Variants in PLAAT5 observed in about 807,000 individuals in gnomAD.
The protein encoded by PLAAT5 is Ca(2+)-independent N-acyltransferase.
A neutral mutation model predicts 27.8 loss-of-function variants in PLAAT5; 27 were observed. The observed-to-expected ratio is 0.97, with a 90% CI of 0.72 to 1.34. PLAAT5 has a LOEUF of 1.34. Ranked by LOEUF, PLAAT5 falls within the 40% of genes most tolerant of loss-of-function variation. PLAAT5 has a pLI of 0.00. For missense variants in PLAAT5, 368 were observed against 343.8 expected, an observed-to-expected ratio of 1.07 and a Z score of -0.56; for synonymous variants, 125 against 136.1, an observed-to-expected ratio of 0.92 and a Z score of 0.57.
chr11:63,488,748 C>G (rs2120351139), intron 3 of PLAAT5, 123 bp downstream of exon 3: 1 of 517,550 alleles, frequency 1.9e-6, no homozygotes. Context: ...GACGTTTCTT[C>G]TTCCAGTGTG....
At chr11:63,477,081 G>A (rs188000694) in intron 3 of PLAAT5, among the ~76,000 whole-genome samples, 51 of 151,880 alleles carry the variant, frequency 3.4e-4, no homozygotes, top group Admixed American at 1.8e-3. Context: ...ATATTTGATC[G>A]GTCATTGTCA....
Position 63,463,261 on chromosome 11 carries a change from AGCACAGTGCCTG to A in PLAAT5, c.*230_*241del. ...AATTAGATCCGTATATGAAATGCCT[AGCACAGTGCCTG>A]GCGCATAAGAGATACACACTAGATA... On this transcript the variant is annotated 3_prime_UTR_variant, in exon 6 of 6. Transcript: ENST00000540857. 1 of 535,550 alleles carries A rather than the reference AGCACAGTGCCTG, an allele frequency of 1.9e-6. No individual in the cohort carries two copies. Among genetic ancestry groups the A allele is most frequent in the Non-Finnish European group, 3.4e-6 (1 of 296,976 alleles). 33.2% of individuals were successfully genotyped at this position (535,550 alleles called of 1,614,324 possible). A position where few individuals can be genotyped will look rare whatever the true frequency, so the allele number is the denominator to read the frequency against.
At position 63,462,062 on chromosome 11, in the gene PLAAT5, AGTTT is replaced by A. The variant is rs918277380; in HGVS notation, c.*1437_*1440del. Reference sequence around the variant, plus strand: ...GTTTTTTGTTAATGAAACAACATCCAGTTTGTTTGATGAAAGATTAATATGGTCA... The same window carrying A: ...GTTTTTTGTTAATGAAACAACATCCAGTTTGATGAAAGATTAATATGGTCA... On this transcript the variant is annotated 3_prime_UTR_variant, in exon 6 of 6. Transcript: ENST00000540857. The A allele has an allele frequency of 1.7e-4, 26 of 152,360 alleles. No homozygotes were observed. The highest frequency in any genetic ancestry group is 1.2e-3 in the South Asian group (6 of 4,834). 9.4% of individuals were successfully genotyped at this position (152,360 alleles called of 1,614,324 possible).
intron 3 of PLAAT5, among the ~76,000 whole-genome samples, chr11:63,475,744 A>C (rs1364658432): frequency 6.6e-6 from 1 of 151,612 alleles, no homozygotes; most frequent in African/African-American, 2.4e-5. Context: ...GATCATTTTA[A>C]TTCCTCTGTT....
Position 63,489,932 on chromosome 11 carries a change from G to A in PLAAT5, c.239+311C>T, listed in dbSNP as rs141165101. 4.1e-3 allele frequency among the ~76,000 whole-genome samples: 628 copies of A among 152,272 alleles called. 4 individuals carry two copies. The highest frequency in any genetic ancestry group is 0.014 in the African/African-American group (565 of 41,558). ...GAATTCAGGAAATCTGCCAAAGGCCGACTCATTGTTCACTGATTAGTGAGA... is the reference window on the plus strand; with the variant it reads ...GAATTCAGGAAATCTGCCAAAGGCCAACTCATTGTTCACTGATTAGTGAGA... On this transcript the variant is annotated intron_variant, in intron 2 of 5. Transcript: ENST00000540857.
chr11:63,483,913 A>G (rs1439601857), intron 3 of PLAAT5, among the ~76,000 whole-genome samples: 1 of 144,660 alleles, frequency 6.9e-6, no homozygotes, highest in Admixed American at 7.0e-5. Flanking sequence ...ACCATTAATG[A>G]GATTAACCAA....
At chr11:63,464,755 T>C (rs1166133975) in intron 5 of PLAAT5, among the ~76,000 whole-genome samples, 1 of 152,348 alleles carries the variant, frequency 6.6e-6, no homozygotes, top group Non-Finnish European at 1.5e-5. Context: ...AGTTTTCACA[T>C]ACATTTAGGA....
At chr11:63,479,300 G>C (rs748550840) in intron 3 of PLAAT5, among the ~76,000 whole-genome samples, 46 of 152,334 alleles carry the variant, frequency 3.0e-4, no homozygotes, top group Middle Eastern at 6.8e-3. Context: ...ATAGCAAATA[G>C]TATTTTCTTT....
At chr11:63,471,895 A>G (rs2016034672) in intron 3 of PLAAT5, among the ~76,000 whole-genome samples, 1 of 152,240 alleles carries the variant, frequency 6.6e-6, no homozygotes, top group South Asian at 2.1e-4. Context: ...TTGCAGGGAC[A>G]TGGTTGGAGC....
At chr11:63,475,342 A>G (rs569156062) in intron 3 of PLAAT5, among the ~76,000 whole-genome samples, 2 of 152,180 alleles carry the variant, frequency 1.3e-5, no homozygotes, top group South Asian at 4.1e-4. Context: ...TTGGATATGT[A>G]TATGTTTATA....
intron 2 of PLAAT5, 129 bp downstream of exon 2, chr11:63,490,114 C>T: frequency 8.1e-7 from 1 of 1,232,758 alleles, no homozygotes; most frequent in Non-Finnish European, 1.2e-6. Flanking sequence ...CCAGCCTTCC[C>T]CTTGCTGGGT....
chr11:63,472,216 G>A (rs2016044177), intron 3 of PLAAT5, among the ~76,000 whole-genome samples: 1 of 151,860 alleles, frequency 6.6e-6, no homozygotes, highest in Admixed American at 6.6e-5. Flanking sequence ...GAAAAAAAAA[G>A]GAAAGAAAAA....
chr11:63,463,696 G>A, intron 5 of PLAAT5, 101 bp from the exon 6 acceptor site: 2 of 865,124 alleles, frequency 2.3e-6, no homozygotes, highest in Non-Finnish European at 3.9e-6. Context: ...CAGCCTGTCT[G>A]GAGTCTATTC....
At chr11:63,479,789 A>G (rs2016240861) in intron 3 of PLAAT5, among the ~76,000 whole-genome samples, 1 of 152,234 alleles carries the variant, frequency 6.6e-6, no homozygotes. Flanking sequence ...AAGATGAACA[A>G]GAAGTGAAGA....
intron 3 of PLAAT5, among the ~76,000 whole-genome samples, chr11:63,485,256 A>C (rs1248065481): frequency 2.0e-5 from 3 of 151,590 alleles, no homozygotes; most frequent in African/African-American, 7.3e-5. Flanking sequence ...CAAAATACCT[A>C]TTCACAGAAC....
At chr11:63,486,577 A>G (rs2016439568) in intron 3 of PLAAT5, among the ~76,000 whole-genome samples, 1 of 152,184 alleles carries the variant, frequency 6.6e-6, no homozygotes, top group Non-Finnish European at 1.5e-5. Context: ...CAAAAAAATC[A>G]TATGCTCTCA....
In PLAAT5 at chr11:63,490,285, G is replaced by T; in HGVS notation, c.197C>A (p.Pro66His). 6.2e-7 allele frequency: 1 copy of T among 1,614,188 alleles called. No homozygotes were observed. The highest frequency in any genetic ancestry group is 8.5e-7 in the Non-Finnish European group (1 of 1,180,036). Residue 66 changes from proline to histidine, a missense_variant, in exon 2 of 6, where the codon CCT becomes CAT. Physicochemically the swap from Pro to His is moderately conservative, Grantham distance 77. Transcript: ENST00000540857. ...AALVQLPAKQ[P>H]PPGTLEQGRS... ...GCCCTGTTCTAATGTGCCCGGCGGA[G>T]GCTGCTTGGCTGGGAGCTGGACCAA...
intron 3 of PLAAT5, among the ~76,000 whole-genome samples, chr11:63,487,486 C>A (rs774681398): frequency 4.0e-5 from 6 of 151,846 alleles, no homozygotes; most frequent in Non-Finnish European, 7.4e-5. Flanking sequence ...TAAAATGATA[C>A]AACCACTGTG....
intron 1 of PLAAT5, 126 bp downstream of exon 1, chr11:63,490,761 G>C: frequency 2.2e-6 from 2 of 904,654 alleles, no homozygotes; most frequent in Non-Finnish European, 1.6e-6. Context: ...TGAAATACTC[G>C]CTCATGATGG....
Sources: gnomAD v4.1 joint callset for allele counts (sites outside exome capture counted in the v4.1 genomes callset) on GRCh38, gnomAD v4.1.1 for gene constraint, MANE v1.5 for transcripts, NCBI Gene and HGNC (gene_info 2026-07-23, HGNC 2026-07-21) for gene names.